Variants in JMJD1C observed in about 807,000 individuals in gnomAD.
JMJD1C encodes the protein jumonji domain containing 1C, also known as jumonji domain-containing protein 1C.
Under a neutral mutation model 245.3 loss-of-function variants are expected in JMJD1C, and 31 were observed. That is an observed-to-expected ratio of 0.13 (90% confidence interval 0.09 to 0.17). The LOEUF is 0.17. Among genes scored for constraint, JMJD1C ranks in the 10% least tolerant of loss-of-function variants. The pLI, the probability that JMJD1C is intolerant of heterozygous loss-of-function variation, is 1.00. For missense variants in JMJD1C, 2,691 were observed against 3,000.2 expected (o/e 0.90, Z 2.41); for synonymous variants, 1,057 against 1,017.4 (o/e 1.04, Z -0.74).
intron 2 of JMJD1C, among the ~76,000 whole-genome samples, chr10:63,284,905 A>T (rs1342050758): frequency 3.7e-5 from 3 of 81,214 alleles, no homozygotes; most frequent in African/African-American, 8.5e-5. Context: ...ACACACACAC[A>T]CATTCTCTCT....
At chr10:63,516,802 A>G (rs1955029991) in intron 1 of JMJD1C, among the ~76,000 whole-genome samples, 1 of 152,218 alleles carries the variant, frequency 6.6e-6, no homozygotes, top group African/African-American at 2.4e-5. Flanking sequence ...CAATACCTAT[A>G]GTGAATACTT....
chr10:63,263,620 T>C (rs1199357830), intron 3 of JMJD1C, among the ~76,000 whole-genome samples: 5 of 152,170 alleles, frequency 3.3e-5, no homozygotes, highest in African/African-American at 1.2e-4. Flanking sequence ...ATCCATTTAA[T>C]TCAACCTAAA....
chr10:63,176,947 T>C (rs1213545563), intron 23 of JMJD1C: 2 of 153,174 alleles, frequency 1.3e-5, no homozygotes, highest in African/African-American at 4.8e-5. Context: ...AAGGGACTCT[T>C]TAATCAGTTA....
chr10:63,442,889 A>AT (rs1236124378), intron 1 of JMJD1C, among the ~76,000 whole-genome samples: 2 of 152,174 alleles, frequency 1.3e-5, no homozygotes, highest in Non-Finnish European at 2.9e-5. Context: ...GTCTTTTCCA[A>AT]TACCACTTCT....
intron 2 of JMJD1C, among the ~76,000 whole-genome samples, chr10:63,371,261 C>T (rs1290820886): frequency 2.0e-5 from 3 of 152,044 alleles, no homozygotes; most frequent in African/African-American, 7.2e-5. Flanking sequence ...GGATTATAGG[C>T]ATGAGCCACT....
chr10:63,403,271 A>C (rs1948971742), intron 1 of JMJD1C, among the ~76,000 whole-genome samples: 1 of 152,210 alleles, frequency 6.6e-6, no homozygotes, highest in Admixed American at 6.5e-5. Flanking sequence ...ACAAACTTCC[A>C]AAGTACATTC....
At chr10:63,421,748 G>A (rs1181354123) in intron 1 of JMJD1C, among the ~76,000 whole-genome samples, 1 of 152,118 alleles carries the variant, frequency 6.6e-6, no homozygotes, top group Admixed American at 6.5e-5. Context: ...CTTTTAAGAG[G>A]AAGAAATATC....
Position 63,167,859 on chromosome 10 carries a change from A to C in JMJD1C, c.*186T>G. On this transcript the variant is annotated 3_prime_UTR_variant, in exon 26 of 26. Coordinates refer to ENST00000399262, the MANE Select transcript of JMJD1C (RefSeq NM_032776.3). ...GCTTTTAAAATTCTGCTTGTTTTAT[A>C]ACATTGAATCACAGGAGCTGTGACA... The C allele has an allele frequency of 2.0e-6, 1 of 505,322 alleles. No individual in the cohort carries two copies. The highest frequency in any genetic ancestry group is 3.5e-6 in the Non-Finnish European group (1 of 282,946). 31.3% of individuals were successfully genotyped at this position (505,322 alleles called of 1,614,324 possible). A position where few individuals can be genotyped will look rare whatever the true frequency, so the allele number is the denominator to read the frequency against.
At chr10:63,428,718 G>A (rs1171237079) in intron 1 of JMJD1C, among the ~76,000 whole-genome samples, 2 of 151,842 alleles carry the variant, frequency 1.3e-5, no homozygotes, top group Non-Finnish European at 2.9e-5. Context: ...AACAATAAGG[G>A]CAAGAAAGTA....
At chr10:63,216,255 T>C (rs1847963356) in intron 5 of JMJD1C, among the ~76,000 whole-genome samples, 1 of 152,180 alleles carries the variant, frequency 6.6e-6, no homozygotes, top group Admixed American at 6.5e-5. Context: ...AGTATTTGAA[T>C]TGTGTATAAA....
chr10:63,390,860 C>T (rs967371874), intron 1 of JMJD1C, among the ~76,000 whole-genome samples: 5 of 152,050 alleles, frequency 3.3e-5, no homozygotes, highest in African/African-American at 7.2e-5. Context: ...ATAATAAAGG[C>T]CACTTGTGAC....
At chr10:63,248,533 A>ATAGATAGATAGATAG (rs772885370) in intron 3 of JMJD1C, among the ~76,000 whole-genome samples, 1 of 56,478 alleles carries the variant, frequency 1.8e-5, no homozygotes, top group African/African-American at 1.1e-4. Flanking sequence ...TAGATAGATA[A>ATAGATAGATAGATAG]ATAAATAAAT....
intron 2 of JMJD1C, among the ~76,000 whole-genome samples, chr10:63,265,897 T>TA (rs997562372): frequency 6.6e-6 from 1 of 152,090 alleles, no homozygotes; most frequent in Non-Finnish European, 1.5e-5. Context: ...TATTCTGTCT[T>TA]AAAAAATATA....
Position 63,306,265 on chromosome 10 carries a change from T to A in JMJD1C, c.334-41501A>T, listed in dbSNP as rs1362281884. ...CTACCACACCGGGCTAATTTTTGTA[T>A]TTTTAGTAGAGATGGAGTTTTACCA... On this transcript the variant is annotated intron_variant, in intron 2 of 25. Transcript: ENST00000399262. Among the ~76,000 whole-genome samples, 14 of 152,058 alleles carry A rather than the reference T, an allele frequency of 9.2e-5. 1 individual carries two copies. Among genetic ancestry groups the A allele is most frequent in the Admixed American group, 9.2e-4 (14 of 15,266 alleles).
At chr10:63,454,509 C>T (rs1254504494) in intron 1 of JMJD1C, among the ~76,000 whole-genome samples, 1 of 151,952 alleles carries the variant, frequency 6.6e-6, no homozygotes, top group East Asian at 1.9e-4. Context: ...CGGCAACCTC[C>T]ACCTCCTGGT....
At chr10:63,431,162 G>A (rs1208607830) in intron 1 of JMJD1C, among the ~76,000 whole-genome samples, 2 of 152,164 alleles carry the variant, frequency 1.3e-5, no homozygotes, top group African/African-American at 4.8e-5. Context: ...TCTGTGAAAG[G>A]AGGAAATGAC....
intron 24 of JMJD1C, among the ~76,000 whole-genome samples, chr10:63,171,814 C>T (rs1165724822): frequency 1.3e-5 from 2 of 152,136 alleles, no homozygotes; most frequent in Non-Finnish European, 1.5e-5. Context: ...CTGAGGGCCA[C>T]CTATAGCCTA....
At chr10:63,507,036 G>C (rs1954739416) in intron 1 of JMJD1C, among the ~76,000 whole-genome samples, 1 of 152,070 alleles carries the variant, frequency 6.6e-6, no homozygotes. Context: ...AGCCTTTTCA[G>C]GTTGGCTTCA....
chr10:63,225,375 T>C lies in JMJD1C; in HGVS notation c.448-5392A>G, dbSNP rs80104381. ...CACAGAAAAAGTTCAAAAAACATCT[T>C]AAATGAGGTTTGGGGGTACATCAGT... On this transcript the variant is annotated intron_variant, in intron 3 of 25. Coordinates refer to ENST00000399262, the MANE Select transcript of JMJD1C (RefSeq NM_032776.3). Among the ~76,000 whole-genome samples, 799 of 152,288 alleles carry C rather than the reference T, an allele frequency of 5.2e-3. 8 individuals carry two copies. The highest frequency in any genetic ancestry group is 0.018 in the African/African-American group (759 of 41,552).
Sources: gnomAD v4.1 joint callset for allele counts (sites outside exome capture counted in the v4.1 genomes callset) on GRCh38, gnomAD v4.1.1 for gene constraint, MANE v1.5 for transcripts, NCBI Gene and HGNC (gene_info 2026-07-23, HGNC 2026-07-21) for gene names.